The following CSMD3 variants were observed in gnomAD, a reference collection of about 807,000 sequenced individuals.
The protein encoded by CSMD3 is CUB and Sushi multiple domains 3.
A neutral mutation model predicts 435.2 loss-of-function variants in CSMD3; 177 were observed. The observed-to-expected ratio is 0.41, with a 90% confidence interval of 0.36 to 0.46. CSMD3 has a LOEUF of 0.46. Among genes scored for constraint, CSMD3 ranks in the 20% least tolerant of loss-of-function variants. The pLI is 0.34. For missense variants in CSMD3, 4,265 were observed against 4,504.6 expected, an observed-to-expected ratio of 0.95 and a Z score of 1.52; for synonymous variants, 1,656 against 1,520.5, an observed-to-expected ratio of 1.09 and a Z score of -2.07.
chr8:113,008,811 A>C (rs2131112786), intron 6 of CSMD3, among the ~76,000 whole-genome samples: 1 of 151,476 alleles, frequency 6.6e-6, no homozygotes, highest in African/African-American at 2.4e-5. Context: ...ATACTGAAGT[A>C]AATCATAATT....
intron 2 of CSMD3, among the ~76,000 whole-genome samples, chr8:113,280,109 A>G (rs2093602515): frequency 6.6e-6 from 1 of 151,836 alleles, no homozygotes; most frequent in Admixed American, 6.6e-5. Flanking sequence ...TTCATCAAGG[A>G]TATCAGTCTG....
intron 4 of CSMD3, among the ~76,000 whole-genome samples, chr8:113,172,543 T>C (rs188394769): frequency 2.0e-5 from 3 of 152,178 alleles, no homozygotes; most frequent in Admixed American, 1.3e-4. Flanking sequence ...TCTTATTTAA[T>C]CCTCACAAGA....
At chr8:112,751,808 T>TTTA (rs1302561130) in intron 13 of CSMD3, among the ~76,000 whole-genome samples, 1 of 151,998 alleles carries the variant, frequency 6.6e-6, no homozygotes, top group Non-Finnish European at 1.5e-5. Flanking sequence ...ATTATTTCTT[T>TTTA]TTATTATTAT....
chr8:112,285,194 T>C (rs1431987711), intron 58 of CSMD3, among the ~76,000 whole-genome samples: 1 of 152,086 alleles, frequency 6.6e-6, no homozygotes, highest in Non-Finnish European at 1.5e-5. Context: ...AGTCTGCATT[T>C]CATCTATAAA....
intron 12 of CSMD3, among the ~76,000 whole-genome samples, chr8:112,824,823 T>C (rs2079630761): frequency 6.6e-6 from 1 of 152,186 alleles, no homozygotes; most frequent in African/African-American, 2.4e-5. Flanking sequence ...TGGTGTTCTC[T>C]GTATTTCCTG....
At chr8:113,235,080 T>C (rs980492429) in intron 3 of CSMD3, among the ~76,000 whole-genome samples, 1 of 152,118 alleles carries the variant, frequency 6.6e-6, no homozygotes, top group Non-Finnish European at 1.5e-5. Flanking sequence ...CCTGCTGTTT[T>C]TGACTGACTT....
intron 7 of CSMD3, among the ~76,000 whole-genome samples, chr8:112,962,157 G>A (rs2084254753): frequency 6.6e-6 from 1 of 151,124 alleles, no homozygotes; most frequent in South Asian, 2.1e-4. Context: ...ACTTTCTTGG[G>A]ACTTTTTTTT....
At chr8:112,469,828 A>G (rs541729030) in intron 32 of CSMD3, among the ~76,000 whole-genome samples, 1 of 152,314 alleles carries the variant, frequency 6.6e-6, no homozygotes, top group East Asian at 1.9e-4. Flanking sequence ...ATGTTCTAAG[A>G]GCATCTGTAT....
chr8:113,105,411 T>C (rs1447454050), intron 4 of CSMD3, among the ~76,000 whole-genome samples: 1 of 152,144 alleles, frequency 6.6e-6, no homozygotes, highest in Non-Finnish European at 1.5e-5. Flanking sequence ...AATGGAATGT[T>C]AGTCATAGGG....
intron 4 of CSMD3, among the ~76,000 whole-genome samples, chr8:113,170,204 A>C (rs1266161351): frequency 2.0e-5 from 3 of 152,184 alleles, no homozygotes; most frequent in African/African-American, 7.2e-5. Flanking sequence ...GAGGGAAGGC[A>C]TGAACTGAGT....
intron 5 of CSMD3, among the ~76,000 whole-genome samples, chr8:113,049,175 G>A (rs2087973224): frequency 6.6e-6 from 1 of 152,096 alleles, no homozygotes; most frequent in African/African-American, 2.4e-5. Flanking sequence ...GGAGGCAGAG[G>A]TTGCAGTGAG....
intron 12 of CSMD3, among the ~76,000 whole-genome samples, chr8:112,823,589 A>G (rs1467119579): frequency 6.6e-6 from 1 of 152,166 alleles, no homozygotes; most frequent in Non-Finnish European, 1.5e-5. Context: ...CCCAGGAGTC[A>G]TTCAGGAGCA....
At chr8:112,752,544 C>A (rs905357907) in intron 13 of CSMD3, among the ~76,000 whole-genome samples, 1 of 152,128 alleles carries the variant, frequency 6.6e-6, no homozygotes, top group Admixed American at 6.6e-5. Context: ...GTAGAGGATA[C>A]AATATCATCA....
intron 11 of CSMD3, among the ~76,000 whole-genome samples, chr8:112,857,668 A>G (rs1208071880): frequency 6.6e-6 from 1 of 151,764 alleles, no homozygotes; most frequent in East Asian, 1.9e-4. Context: ...GTGATCTTTG[A>G]CAAGTTATTT....
intron 5 of CSMD3, among the ~76,000 whole-genome samples, chr8:113,031,545 A>T (rs971402644): frequency 5.3e-5 from 8 of 151,490 alleles, no homozygotes. Flanking sequence ...TGTTCCTCTA[A>T]AAGGATAGCT....
chr8:113,065,386 T>G (rs2088807619), intron 5 of CSMD3, among the ~76,000 whole-genome samples: 1 of 151,176 alleles, frequency 6.6e-6, no homozygotes, highest in Admixed American at 6.6e-5. Context: ...CTCATGTTTT[T>G]GTTTGTTTGT....
chr8:112,951,233 A>G (rs1011125005), intron 8 of CSMD3, among the ~76,000 whole-genome samples: 1 of 151,844 alleles, frequency 6.6e-6, no homozygotes, highest in Non-Finnish European at 1.5e-5. Context: ...TTCATTTCAC[A>G]GTGCCATTGA....
chr8:112,578,009 T>C (rs565740438), intron 23 of CSMD3, among the ~76,000 whole-genome samples: 1 of 152,212 alleles, frequency 6.6e-6, no homozygotes, highest in South Asian at 2.1e-4. Context: ...TCCTCTTGGA[T>C]CCTAGCATTT....
chr8:112,345,861 G>A (rs560553028), intron 41 of CSMD3, among the ~76,000 whole-genome samples: 5 of 146,306 alleles, frequency 3.4e-5, no homozygotes, highest in Non-Finnish European at 7.4e-5. Context: ...TAATAAATCA[G>A]AGTAAAAAAA....
Sources: allele counts gnomAD v4.1 joint callset (sites outside exome capture counted in the v4.1 genomes callset), GRCh38; gene constraint gnomAD v4.1.1; transcripts MANE v1.5; gene names NCBI Gene and HGNC (gene_info 2026-07-23, HGNC 2026-07-21).